POLK: variants seen among roughly 807,000 people sequenced by gnomAD.
POLK encodes the protein DNA polymerase kappa, also known as polymerase (DNA directed) kappa.
POLK carries 76 observed loss-of-function variants against 94.0 expected under a neutral mutation model. The observed-to-expected ratio is 0.81, with a 90% confidence interval of 0.67 to 0.98. The LOEUF (loss-of-function observed/expected upper bound fraction) is 0.98. Ranked by LOEUF, POLK falls within the 50% of genes least tolerant of loss-of-function variation. The probability of loss-of-function intolerance (pLI) is 0.00; values close to 1 mark genes in which losing one functional copy is unlikely to be tolerated. For synonymous variants in POLK, 349 were observed against 325.4 expected (o/e 1.07, Z -0.78); for missense variants, 954 against 1,010.1 (o/e 0.94, Z 0.75).
At chr5:75,548,996 G>A (rs1770195576) in intron 2 of POLK, among the ~76,000 whole-genome samples, 1 of 152,084 alleles carries the variant, frequency 6.6e-6, no homozygotes. Flanking sequence ...ATCTTCTGTG[G>A]AATGGCTAAA....
chr5:75,559,550 T>TTTC (rs1581018538), intron 3 of POLK, among the ~76,000 whole-genome samples: 1 of 129,708 alleles, frequency 7.7e-6, no homozygotes, highest in South Asian at 2.5e-4. Flanking sequence ...TTTTTTTTTT[T>TTTC]AGAGACAGGG....
chr5:75,527,502 T>TACAC (rs58797043), intron 1 of POLK, among the ~76,000 whole-genome samples: 6,604 of 132,784 alleles, frequency 0.05, 274 homozygotes, highest in African/African-American at 0.11. Flanking sequence ...AATTTATATA[T>TACAC]ACACACACAC....
intron 12 of POLK, 66 bp downstream of exon 12, chr5:75,594,115 G>A: frequency 1.7e-6 from 2 of 1,194,158 alleles, no homozygotes; most frequent in Non-Finnish European, 2.4e-6. Flanking sequence ...ATCAACTTTG[G>A]GAATACAGGG....
At chr5:75,592,927 G>A (rs977309142) in intron 11 of POLK, among the ~76,000 whole-genome samples, 3 of 151,770 alleles carry the variant, frequency 2.0e-5, no homozygotes, top group Admixed American at 6.6e-5. Context: ...ATGGTGGCAC[G>A]AGTGTGTAGT....
In POLK at chr5:75,573,869, G is replaced by T. The variant is rs1309530063; in HGVS notation, c.540G>T (p.Glu180Asp). 3 of 1,613,118 alleles carry T rather than the reference G, an allele frequency of 1.9e-6. No homozygotes were observed. The Admixed American group carries it at 5.0e-5, about 27-fold the overall frequency. The stretch of plus-strand genomic sequence containing the variant: ...ACAAATACCGAGCTGTGAGTAAAGA[G>T]GTAAGTTAATGTCTCACCCCTACTT... The change falls in exon 5 of 15, where the codon GAG becomes GAT. Residue 180 changes from glutamate to aspartate, a missense_variant and splice_region_variant. Glu to Asp is a conservative substitution (Grantham distance 45). Transcript: ENST00000241436.
chr5:75,522,725 C>A (rs1580914080), intron 1 of POLK, among the ~76,000 whole-genome samples: 2 of 151,074 alleles, frequency 1.3e-5, no homozygotes, highest in African/African-American at 4.9e-5. Flanking sequence ...TTAAATAAAC[C>A]CTAGGATGAT....
chr5:75,596,057 A>G (rs1773065446), intron 12 of POLK, among the ~76,000 whole-genome samples, 165 bp from the exon 13 acceptor site: 1 of 152,210 alleles, frequency 6.6e-6, no homozygotes, highest in African/African-American at 2.4e-5. Context: ...TTCTTTTATA[A>G]AGGAAGGTAA....
intron 3 of POLK, among the ~76,000 whole-genome samples, chr5:75,555,836 A>G (rs1012922053): frequency 6.6e-6 from 1 of 152,244 alleles, no homozygotes; most frequent in African/African-American, 2.4e-5. Context: ...GGCGTGAGCC[A>G]TACCACAGAC....
Position 75,584,881 on chromosome 5 carries a change from A to G in POLK, c.1181A>G (p.Tyr394Cys). ...CTTTTCTCTGAAACATCTTGGCATT[A>G]TTTCCTTCATATCTCCTTGGGTCTA... Residue 394 changes from tyrosine (Y) to cysteine (C), a missense_variant, in exon 9 of 15, where the codon TAT (tyrosine) becomes TGT (cysteine). By Grantham distance (194) the Tyr-to-Cys change is radical. Transcript: ENST00000241436. 1.9e-6 allele frequency: 3 copies of G among 1,607,330 alleles called. No individual in the cohort carries two copies. In the East Asian group the frequency reaches 6.7e-5, roughly 36 times the overall value.
chr5:75,609,600 T>A, the POLK span: 1 of 152,244 alleles, frequency 6.6e-6, no homozygotes, highest in Non-Finnish European at 1.5e-5. Flanking sequence ...CATATACATA[T>A]AATTTGGTGC....
At chr5:75,518,900 A>G (rs972878401) in intron 1 of POLK, among the ~76,000 whole-genome samples, 2 of 152,180 alleles carry the variant, frequency 1.3e-5, no homozygotes, top group African/African-American at 4.8e-5. Flanking sequence ...GTTGGAGTGC[A>G]GTGGTGTGAT....
At chr5:75,511,260 G>A (rs779788597), upstream of POLK, 52 of 1,599,198 alleles carry the variant, frequency 3.3e-5, no homozygotes, top group Non-Finnish European at 4.3e-5. Context: ...AGCTGCGCCG[G>A]AGGAGGCGCC....
chr5:75,595,248 G>GCAAAAAAAAAAAAAAAAAAAAAA (rs1773006237), intron 12 of POLK, among the ~76,000 whole-genome samples: 1 of 24,880 alleles, frequency 4.0e-5, no homozygotes, highest in African/African-American at 1.1e-4. Flanking sequence ...CTCCACCTCA[G>GCAAAAAAAAAAAAAAAAAAAAAA]AAAAAAAAAA....
At chr5:75,569,193 GTGGATGGATGAATGGATGGA>G in intron 3 of POLK, 127 bp from the exon 4 acceptor site, 1 of 591,198 alleles carries the variant, frequency 1.7e-6, no homozygotes, top group Non-Finnish European at 2.9e-6. Context: ...AAGTGGATGG[GTGGATGGATGAATGGATGGA>G]TGGATGGATG....
chr5:75,594,226 C>T (rs1046200808), intron 12 of POLK, among the ~76,000 whole-genome samples, 177 bp downstream of exon 12: 2 of 152,244 alleles, frequency 1.3e-5, no homozygotes, highest in African/African-American at 4.8e-5. Context: ...AAGGTGGTTA[C>T]ATCCCGATAA....
At chr5:75,586,919 T>C in intron 9 of POLK, 107 bp from the exon 10 acceptor site, 1 of 730,388 alleles carries the variant, frequency 1.4e-6, no homozygotes, top group Non-Finnish European at 2.3e-6. Flanking sequence ...TAAATTTTAA[T>C]AAAAAATTTG....
intron 2 of POLK, among the ~76,000 whole-genome samples, chr5:75,551,396 AC>A (rs541117624): frequency 1.3e-5 from 2 of 151,538 alleles, no homozygotes; most frequent in Admixed American, 1.3e-4. Flanking sequence ...ATGAGACCCC[AC>A]CCCCCAACCT....
In POLK at chr5:75,562,239, T is replaced by G. The variant is rs144512430; in HGVS notation, c.256-7101T>G. ...GGTCCTTCACATCCCTTGTAATTTG[T>G]ATTCCTAGGTATTTTATTTATTCTC... On this transcript the variant is annotated intron_variant, in intron 3 of 14. Transcript: ENST00000241436. 9.6e-3 allele frequency among the ~76,000 whole-genome samples: 1,456 copies of G among 152,218 alleles called. 11 individuals carry two copies. Among genetic ancestry groups the G allele is most frequent in the South Asian group, 0.026 (126 of 4,822 alleles).
intron 1 of POLK, among the ~76,000 whole-genome samples, chr5:75,523,810 T>C (rs967238025): frequency 1.3e-5 from 2 of 152,118 alleles, no homozygotes; most frequent in African/African-American, 4.8e-5. Flanking sequence ...AAGGCATCTT[T>C]GTTGCATGTC....
Sources: gnomAD v4.1 joint callset for allele counts (sites outside exome capture counted in the v4.1 genomes callset) on GRCh38, gnomAD v4.1.1 for gene constraint, MANE v1.5 for transcripts, NCBI Gene and HGNC (gene_info 2026-07-23, HGNC 2026-07-21) for gene names.